The following LRRTM3 variants were observed in gnomAD, a reference collection of about 807,000 sequenced individuals.
The protein encoded by LRRTM3 is leucine rich repeat transmembrane neuronal 3, also known as leucine-rich repeat transmembrane neuronal protein 3.
A neutral mutation model predicts 44.7 loss-of-function variants in LRRTM3; 24 were observed. The ratio of observed to expected loss-of-function variants is 0.54; its 90% CI spans 0.39 to 0.76. The LOEUF (loss-of-function observed/expected upper bound fraction) is 0.76. LRRTM3 is among the 30% of genes least tolerant of loss of function. The probability of loss-of-function intolerance (pLI) is 0.00; values close to 1 mark genes in which losing one functional copy is unlikely to be tolerated. For missense variants in LRRTM3, 587 were observed against 702.2 expected (o/e 0.84, Z 1.85); for synonymous variants, 277 against 278.7 (o/e 0.99, Z 0.06).
chr10:67,060,750 C>A (rs908123360), intron 2 of LRRTM3, among the ~76,000 whole-genome samples: 1 of 152,160 alleles, frequency 6.6e-6, no homozygotes, highest in Non-Finnish European at 1.5e-5. Flanking sequence ...AACTGTGGTG[C>A]CTCTGTCAGC....
At chr10:67,038,128 C>G (rs968189755) in intron 2 of LRRTM3, among the ~76,000 whole-genome samples, 1 of 152,028 alleles carries the variant, frequency 6.6e-6, no homozygotes, top group Non-Finnish European at 1.5e-5. Context: ...TATTGTAGAG[C>G]AAGCATTTCA....
chr10:67,079,858 AACACACACACACACAC>A (rs199928311), intron 2 of LRRTM3, among the ~76,000 whole-genome samples: 12,571 of 141,314 alleles, frequency 0.089, 570 homozygotes, highest in Non-Finnish European at 0.099. Flanking sequence ...AAAAAAACAA[AACACACACACACACAC>A]ACACACACAC....
chr10:66,954,380 G>A (rs1390727850), intron 2 of LRRTM3, among the ~76,000 whole-genome samples: 1 of 152,094 alleles, frequency 6.6e-6, no homozygotes, highest in Non-Finnish European at 1.5e-5. Context: ...GGGCTCCTCA[G>A]TGACTGCAGA....
At chr10:66,985,298 C>T (rs1850668380) in intron 2 of LRRTM3, among the ~76,000 whole-genome samples, 1 of 152,042 alleles carries the variant, frequency 6.6e-6, no homozygotes, top group African/African-American at 2.4e-5. Context: ...ACATATAATG[C>T]AGAATTCTGT....
Position 67,099,373 on chromosome 10 carries a change from A to G in LRRTM3, c.*1577A>G, listed in dbSNP as rs551658117. 6.6e-6 allele frequency: 1 copy of G among 151,742 alleles called. No individual in the cohort carries two copies. The highest frequency in any genetic ancestry group is 2.1e-4 in the South Asian group (1 of 4,834). 9.4% of individuals were successfully genotyped at this position (151,742 alleles called of 1,614,324 possible). On this transcript the variant is annotated 3_prime_UTR_variant, in exon 3 of 3. Transcript: ENST00000361320. Reference sequence around the variant, plus strand: ...CAAGTTTCAATTACTGTTGCACTAGAAGTGCTTTTTATGTTGTCATTTTAT... The same window carrying G: ...CAAGTTTCAATTACTGTTGCACTAGGAGTGCTTTTTATGTTGTCATTTTAT...
In LRRTM3 at chr10:66,926,637, A is replaced by G. The variant is rs756078978; in HGVS notation, c.4+50A>G. The G allele has an allele frequency of 1.0e-5, 16 of 1,592,882 alleles. No homozygotes were observed. The East Asian group carries it at 3.1e-4, about 31-fold the overall frequency. ...TCCTTCTTAAAAACAAAAAACAAAA[A>G]ACCTCTAGTGTGTGTAATAATTCTG... On this transcript the variant is annotated intron_variant, in intron 1 of 2. Transcript: ENST00000361320.
chr10:67,022,791 A>G (rs898976024), intron 2 of LRRTM3, among the ~76,000 whole-genome samples: 3 of 152,056 alleles, frequency 2.0e-5, no homozygotes, highest in Non-Finnish European at 4.4e-5. Context: ...CAAAAAAATT[A>G]GCCGGGCGTG....
chr10:66,958,434 T>C (rs1257681201), intron 2 of LRRTM3, among the ~76,000 whole-genome samples: 3 of 145,712 alleles, frequency 2.1e-5, no homozygotes, highest in East Asian at 2.0e-4. Flanking sequence ...TGTACTATAG[T>C]TCTGCCTTTG....
intron 2 of LRRTM3, among the ~76,000 whole-genome samples, chr10:67,094,740 A>T (rs1709722971): frequency 6.6e-6 from 1 of 151,786 alleles, no homozygotes; most frequent in South Asian, 2.1e-4. Flanking sequence ...CTTACTTGAC[A>T]TTCCAATAAA....
chr10:67,094,832 T>A (rs760298126), intron 2 of LRRTM3, among the ~76,000 whole-genome samples: 6 of 151,712 alleles, frequency 4.0e-5, no homozygotes, highest in Non-Finnish European at 7.4e-5. Flanking sequence ...TGTACACACA[T>A]GTGCATACAT....
chr10:66,978,066 A>C (rs1850159491), intron 2 of LRRTM3, among the ~76,000 whole-genome samples: 2 of 4,188 alleles, frequency 4.8e-4, no homozygotes, highest in Admixed American at 0.011. Flanking sequence ...ATATATATAT[A>C]TACACACACA....
At position 67,036,965 on chromosome 10, in the gene LRRTM3, A is replaced by G. The variant is rs147316763; in HGVS notation, c.1537-60622A>G. On this transcript the variant is annotated intron_variant, in intron 2 of 2. Transcript: ENST00000361320. ...GGAAATGATACTTGGTTGACAACCC[A>G]AAGGGAGTGACTCATTCATCTATTT... Among the ~76,000 whole-genome samples, 427 of 152,310 alleles carry G rather than the reference A, an allele frequency of 2.8e-3. 1 individual carries two copies. The highest frequency in any genetic ancestry group is 9.6e-3 in the African/African-American group (398 of 41,578).
chr10:66,926,427 A>G lies in LRRTM3; in HGVS notation c.-157A>G, dbSNP rs529946760. ...TGTTCTGCGTGGCTGGCAAAGAATA[A>G]TGTTCCAAAATCGGTCCATCTCCCA... On this transcript the variant is annotated 5_prime_UTR_variant, in exon 1 of 3. An upstream start codon of the reference 5' UTR is lost. Transcript: ENST00000361320. 1 of 738,854 alleles carries G rather than the reference A, an allele frequency of 1.4e-6. No homozygotes were observed. The highest frequency in any genetic ancestry group is 2.5e-5 in the East Asian group (1 of 40,762). The allele number at this position is 738,854 out of a possible 1,614,324, so 45.8% of individuals were successfully genotyped here. A position where few individuals can be genotyped will look rare whatever the true frequency, so the allele number is the denominator to read the frequency against.
intron 2 of LRRTM3, among the ~76,000 whole-genome samples, chr10:66,940,730 T>A (rs1421518651): frequency 6.6e-6 from 1 of 152,166 alleles, no homozygotes; most frequent in African/African-American, 2.4e-5. Context: ...AATCAATGGC[T>A]AAATTATTCC....
chr10:67,051,392 C>T (rs2133185645), intron 2 of LRRTM3, among the ~76,000 whole-genome samples: 2 of 152,254 alleles, frequency 1.3e-5, no homozygotes, highest in Admixed American at 1.3e-4. Flanking sequence ...TTCCCTTGGA[C>T]ATTTTAACAG....
chr10:67,081,630 T>C lies in LRRTM3; in HGVS notation c.1537-15957T>C, dbSNP rs981566980. Among the ~76,000 whole-genome samples, 3 of 152,350 alleles carry C rather than the reference T, an allele frequency of 2.0e-5. No homozygotes were observed. The South Asian group carries it at 6.2e-4, about 32-fold the overall frequency. ...ATTTTGCTATGCCTGTATTCTCATA[T>C]GTATACCTGTCACTGTTGCTCCATA... On this transcript the variant is annotated intron_variant, in intron 2 of 2. Transcript: ENST00000361320.
At chr10:66,993,882 T>C (rs973755043) in intron 2 of LRRTM3, among the ~76,000 whole-genome samples, 1 of 152,190 alleles carries the variant, frequency 6.6e-6, no homozygotes, top group East Asian at 1.9e-4. Flanking sequence ...GATTTATTCT[T>C]AGACAAATTT....
chr10:66,940,756 G>A (rs948241511), intron 2 of LRRTM3, among the ~76,000 whole-genome samples: 2 of 151,898 alleles, frequency 1.3e-5, no homozygotes, highest in Non-Finnish European at 2.9e-5. Flanking sequence ...TGTTAGCTCA[G>A]TTCACAGTAG....
chr10:67,068,408 A>G (rs865798064), intron 2 of LRRTM3, among the ~76,000 whole-genome samples: 1 of 152,200 alleles, frequency 6.6e-6, no homozygotes, highest in Non-Finnish European at 1.5e-5. Flanking sequence ...CATTCGATGG[A>G]TCTGTCTGTT....
Sources: allele counts gnomAD v4.1 joint callset (sites outside exome capture counted in the v4.1 genomes callset), GRCh38; gene constraint gnomAD v4.1.1; transcripts MANE v1.5; gene names NCBI Gene and HGNC (gene_info 2026-07-23, HGNC 2026-07-21).